Variants in HIF1AN observed in about 807,000 individuals in gnomAD.
HIF1AN encodes the protein hypoxia inducible factor 1 subunit alpha inhibitor, also known as hypoxia-inducible factor 1-alpha inhibitor.
Under a neutral mutation model 47.7 loss-of-function variants are expected in HIF1AN, and 21 were observed. The observed-to-expected ratio is 0.44, with a 90% CI of 0.31 to 0.63. The LOEUF is 0.63. HIF1AN is among the 30% of genes least tolerant of loss of function. The probability of loss-of-function intolerance (pLI) is 0.07; values close to 1 mark genes in which losing one functional copy is unlikely to be tolerated. For missense variants in HIF1AN, 320 were observed against 432.7 expected (o/e 0.74, Z 2.31); for synonymous variants, 152 against 155.9 (o/e 0.98, Z 0.18).
chr10:100,548,189 G>T lies in HIF1AN; in HGVS notation c.*52G>T. The T allele has an allele frequency of 2.0e-6, 3 of 1,484,746 alleles. No individual in the cohort carries two copies. The South Asian group carries it at 3.8e-5, about 19-fold the overall frequency. 92.0% of individuals were successfully genotyped at this position (1,484,746 alleles called of 1,614,324 possible). On this transcript the variant is annotated 3_prime_UTR_variant, in exon 8 of 8. Transcript: ENST00000299163. ...AGGTGACTGCTATCCCGTCCACACCGCTTCATTGATGAGGACAGGAGACTC... is the reference window on the plus strand; with the variant it reads ...AGGTGACTGCTATCCCGTCCACACCTCTTCATTGATGAGGACAGGAGACTC...
In HIF1AN at chr10:100,550,744, A is replaced by G. The variant is rs1589755244; in HGVS notation, c.*2607A>G. ...AGTTCTGTGTCTAATTGCATTACTT[A>G]TGTGTCCTTGAATAGGACCCATAAC... On this transcript the variant is annotated 3_prime_UTR_variant, in exon 8 of 8. Transcript: ENST00000299163. 1 of 152,250 alleles carries G rather than the reference A, an allele frequency of 6.6e-6. No homozygotes were observed. Among genetic ancestry groups the G allele is most frequent in the East Asian group, 1.9e-4 (1 of 5,168 alleles). The allele number at this position is 152,250 out of a possible 1,614,324, so 9.4% of individuals were successfully genotyped here. A position where few individuals can be genotyped will look rare whatever the true frequency, so the allele number is the denominator to read the frequency against.
At chr10:100,540,104 G>T (rs1394688444) in intron 2 of HIF1AN, among the ~76,000 whole-genome samples, 1 of 151,740 alleles carries the variant, frequency 6.6e-6, no homozygotes, top group East Asian at 1.9e-4. Context: ...TGCCTCCCAG[G>T]TTCAAGTGAT....
At chr10:100,536,698 G>A in intron 2 of HIF1AN, 37 bp downstream of exon 2, 3 of 1,610,582 alleles carry the variant, frequency 1.9e-6, no homozygotes, top group Non-Finnish European at 2.5e-6. Flanking sequence ...TTGGATTTAG[G>A]ACACTCATTT....
At position 100,548,245 on chromosome 10, in the gene HIF1AN, G is replaced by A; in HGVS notation, c.*108G>A. ...GCTAGTATTGCACGCTGCACTTAAT[G>A]GACTGGACTCTTGCCATGGCCCAGG... On this transcript the variant is annotated 3_prime_UTR_variant, in exon 8 of 8. Transcript: ENST00000299163. The A allele has an allele frequency of 3.2e-6, 3 of 949,068 alleles. No individual in the cohort carries two copies. Among genetic ancestry groups the A allele is most frequent in the South Asian group, 3.6e-5 (2 of 55,422 alleles). The allele number at this position is 949,068 out of a possible 1,614,324, so 58.8% of individuals were successfully genotyped here.
Position 100,538,779 on chromosome 10 carries a change from C to T in HIF1AN, c.429-1855C>T, listed in dbSNP as rs566811013. ...GAGGTTGCAGTGAGCCAAGATTGCGCCACTGCACTCCAGCCTGGGTGACAG... is the reference window on the plus strand; with the variant it reads ...GAGGTTGCAGTGAGCCAAGATTGCGTCACTGCACTCCAGCCTGGGTGACAG... On this transcript the variant is annotated intron_variant, in intron 2 of 7. Coordinates refer to ENST00000299163, the MANE Select transcript of HIF1AN (RefSeq NM_017902.3). Among the ~76,000 whole-genome samples, 13 of 149,346 alleles carry T rather than the reference C, an allele frequency of 8.7e-5. No homozygotes were observed. The East Asian group carries it at 2.6e-3, about 30-fold the overall frequency.
At chr10:100,541,525 G>A (rs1843029507) in intron 3 of HIF1AN, among the ~76,000 whole-genome samples, 1 of 152,066 alleles carries the variant, frequency 6.6e-6, no homozygotes, top group East Asian at 1.9e-4. Context: ...TTTTGAGACA[G>A]AGTCTCACTC....
chr10:100,553,708 T>G lies in HIF1AN; in HGVS notation c.*5571T>G, dbSNP rs1052950538. On this transcript the variant is annotated 3_prime_UTR_variant, in exon 8 of 8. Transcript: ENST00000299163. ...GAGTCACATATAGTTGGTTTGAATTTCTAGCTTCACTACTTACCAGCTGGG... is the reference window on the plus strand; with the variant it reads ...GAGTCACATATAGTTGGTTTGAATTGCTAGCTTCACTACTTACCAGCTGGG... 1 of 152,282 alleles carries G rather than the reference T, an allele frequency of 6.6e-6. No individual in the cohort carries two copies. The highest frequency in any genetic ancestry group is 1.5e-5 in the Non-Finnish European group (1 of 68,072). 9.4% of individuals were successfully genotyped at this position (152,282 alleles called of 1,614,324 possible). A position where few individuals can be genotyped will look rare whatever the true frequency, so the allele number is the denominator to read the frequency against.
intron 3 of HIF1AN, among the ~76,000 whole-genome samples, chr10:100,543,634 G>A (rs1391484011): frequency 1.3e-5 from 2 of 152,108 alleles, no homozygotes; most frequent in Admixed American, 6.5e-5. Flanking sequence ...GTGCAATGGC[G>A]TGATCTCAGC....
chr10:100,545,641 G>A (rs958762901), intron 4 of HIF1AN: 24 of 303,968 alleles, frequency 7.9e-5, no homozygotes, highest in Middle Eastern at 1.0e-3. Context: ...TGAAGGTTTA[G>A]GTGGAGGATA....
chr10:100,547,119 G>T, intron 6 of HIF1AN, 21 bp from the exon 7 acceptor site: 1 of 1,562,862 alleles, frequency 6.4e-7, no homozygotes, highest in South Asian at 1.1e-5. Flanking sequence ...GGCATTTCCT[G>T]AGCTACTGCT....
Position 100,555,093 on chromosome 10 carries a change from ATAAT to A in HIF1AN, c.*6960_*6963del, listed in dbSNP as rs978271877. The A allele has an allele frequency of 3.3e-5, 5 of 152,202 alleles. No homozygotes were observed. The highest frequency in any genetic ancestry group is 1.2e-4 in the African/African-American group (5 of 41,446). The allele number at this position is 152,202 out of a possible 1,614,324, so 9.4% of individuals were successfully genotyped here. On this transcript the variant is annotated 3_prime_UTR_variant, in exon 8 of 8. Coordinates refer to ENST00000299163, the MANE Select transcript of HIF1AN (RefSeq NM_017902.3). ...GTCCAAGCTGATATGTGGAAGATGA[ATAAT>A]TAACCAGAGGTTGGGGGATTTCCCC... is the stretch of plus-strand genomic sequence containing the variant.
At position 100,536,106 on chromosome 10, in the gene HIF1AN, C is replaced by A. The variant is rs1210177190; in HGVS notation, c.148C>A (p.Pro50Thr). 1.2e-6 allele frequency: 2 copies of A among 1,606,774 alleles called. No homozygotes were observed. The highest frequency in any genetic ancestry group is 2.2e-5 in the East Asian group (1 of 44,774). ...RPIPRLSQSD[P>T]RAEELIENEE... is the part of the protein sequence containing the mutation. Reference sequence around the variant, plus strand: ...CATTCCGCGTCTGAGTCAGAGCGACCCCCGGGCAGAGGAGCTTATTGAGAA... The same window carrying A: ...CATTCCGCGTCTGAGTCAGAGCGACACCCGGGCAGAGGAGCTTATTGAGAA... Residue 50 changes from proline to threonine, a missense_variant, in exon 1 of 8, where the codon CCC becomes ACC. Coordinates refer to ENST00000299163, the MANE Select transcript of HIF1AN (RefSeq NM_017902.3).
Position 100,553,720 on chromosome 10 carries a change from A to G in HIF1AN, c.*5583A>G, listed in dbSNP as rs990238808. The G allele has an allele frequency of 1.3e-5, 2 of 152,214 alleles. No homozygotes were observed. The highest frequency in any genetic ancestry group is 2.1e-4 in the South Asian group (1 of 4,826). The allele number at this position is 152,214 out of a possible 1,614,324, so 9.4% of individuals were successfully genotyped here. A position where few individuals can be genotyped will look rare whatever the true frequency, so the allele number is the denominator to read the frequency against. On this transcript the variant is annotated 3_prime_UTR_variant, in exon 8 of 8. Transcript: ENST00000299163. ...GTTGGTTTGAATTTCTAGCTTCACT[A>G]CTTACCAGCTGGGTTTGACCTTGGT...
At position 100,545,975 on chromosome 10, in the gene HIF1AN, C is replaced by T. The variant is rs1285760179; in HGVS notation, c.756C>T (p.Phe252=). The change falls in exon 5 of 8, where the codon TTC becomes TTT. Residue 252 remains phenylalanine (F), a synonymous_variant. Transcript: ENST00000299163. ...TTGACAATCCCGACTACGAGAGGTT[C>T]CCTAATTTCCAAAATGTGGTTGGTT... is the stretch of plus-strand genomic sequence containing the variant. The part of the protein sequence containing the change: ...VDFDNPDYER[F]PNFQNVVGYE... 1 of 1,613,644 alleles carries T rather than the reference C, an allele frequency of 6.2e-7. No individual in the cohort carries two copies. The highest frequency in any genetic ancestry group is 2.2e-5 in the East Asian group (1 of 44,866).
chr10:100,558,925 A>T lies in HIF1AN; in HGVS notation c.*10788A>T, dbSNP rs1159258839. On this transcript the variant is annotated 3_prime_UTR_variant, in exon 8 of 8. Transcript: ENST00000299163. The stretch of plus-strand genomic sequence containing the variant: ...TACTATTTGCTGTAAGGATCTATGC[A>T]GTTTGTATTTTAAGTCCTTGACATA... The T allele has an allele frequency of 2.6e-5, 4 of 152,210 alleles. No homozygotes were observed. Among genetic ancestry groups the T allele is most frequent in the Non-Finnish European group, 5.9e-5 (4 of 68,038 alleles). The allele number at this position is 152,210 out of a possible 1,614,324, so 9.4% of individuals were successfully genotyped here.
In HIF1AN at chr10:100,550,814, C is replaced by G. The variant is rs746047496; in HGVS notation, c.*2677C>G. The stretch of plus-strand genomic sequence containing the variant: ...CATCTATAGAACTGAAGCTGTAGTT[C>G]TAGATGGCACTAAGGGTCTTGGTTC... On this transcript the variant is annotated 3_prime_UTR_variant, in exon 8 of 8. Coordinates refer to ENST00000299163, the MANE Select transcript of HIF1AN (RefSeq NM_017902.3). The G allele has an allele frequency of 1.3e-5, 2 of 152,210 alleles. No homozygotes were observed. The highest frequency in any genetic ancestry group is 2.9e-5 in the Non-Finnish European group (2 of 68,048). The allele number at this position is 152,210 out of a possible 1,614,324, so 9.4% of individuals were successfully genotyped here.
intron 5 of HIF1AN, among the ~76,000 whole-genome samples, 159 bp downstream of exon 5, chr10:100,546,208 A>G (rs2295780): frequency 0.17 from 26,503 of 152,012 alleles, 2,554 homozygotes; most frequent in South Asian, 0.23. Flanking sequence ...CCTGTGGGGG[A>G]TAGTGGCGGG....
intron 4 of HIF1AN, 122 bp downstream of exon 4, chr10:100,545,218 A>T: frequency 9.6e-7 from 1 of 1,045,296 alleles, no homozygotes. Context: ...TTCTTGCCTT[A>T]ACACACCAAG....
At position 100,548,290 on chromosome 10, in the gene HIF1AN, G is replaced by A; in HGVS notation, c.*153G>A. 1.6e-6 allele frequency: 1 copy of A among 608,396 alleles called. No homozygotes were observed. The highest frequency in any genetic ancestry group is 3.2e-5 in the East Asian group (1 of 31,078). 37.7% of individuals were successfully genotyped at this position (608,396 alleles called of 1,614,324 possible). The stretch of plus-strand genomic sequence containing the variant: ...CCCAGGAGTCAGGTGTTTGGAGCGA[G>A]GCAGGGCAGTTGGCACTCCACTCCT... On this transcript the variant is annotated 3_prime_UTR_variant, in exon 8 of 8. Transcript: ENST00000299163.
Sources: gnomAD v4.1 joint callset for allele counts (sites outside exome capture counted in the v4.1 genomes callset) on GRCh38, gnomAD v4.1.1 for gene constraint, MANE v1.5 for transcripts, NCBI Gene and HGNC (gene_info 2026-07-23, HGNC 2026-07-21) for gene names.